ARHGAP39: variants seen among roughly 807,000 people sequenced by gnomAD.
ARHGAP39 encodes rho GTPase-activating protein 39.
In ARHGAP39, 44 loss-of-function variants were observed where a neutral mutation model predicts 106.9. That is an observed-to-expected ratio of 0.41 (90% CI 0.32 to 0.53). The LOEUF (loss-of-function observed/expected upper bound fraction) is 0.53, where lower values mean the gene tolerates loss of function less well. Among genes scored for constraint, ARHGAP39 ranks in the 20% least tolerant of loss-of-function variants. The pLI is 0.21. For missense variants in ARHGAP39, 1,496 were observed against 1,577.3 expected (o/e 0.95, Z 0.87); for synonymous variants, 768 against 693.2 (o/e 1.11, Z -1.69).
intron 1 of ARHGAP39, among the ~76,000 whole-genome samples, chr8:144,620,306 C>T (rs1453898137): frequency 2.7e-4 from 12 of 44,246 alleles, no homozygotes; most frequent in African/African-American, 1.0e-3. Flanking sequence ...TCCAAGGGAG[C>T]GTGTGTGCCC....
At position 144,591,617 on chromosome 8, in the gene ARHGAP39, G is replaced by A. The variant is rs994723776; in HGVS notation, c.81-10340C>T. Among the ~76,000 whole-genome samples the A allele has an allele frequency of 1.4e-4, 21 of 152,124 alleles. No homozygotes were observed. The highest frequency in any genetic ancestry group is 1.4e-4 in the African/African-American group (6 of 41,418). On this transcript the variant is annotated intron_variant, in intron 2 of 11. Transcript: ENST00000377307. This position sits in a 1 kb window ranked among gnomAD's most constrained non-coding sequence, Gnocchi z 5.3. ...CCAGTGGTGCTGGGGGACAGGGTGC[G>A]TGCCAGAAGAGAGGCGAGGGGTGGG... is the stretch of plus-strand genomic sequence containing the variant.
intron 1 of ARHGAP39, among the ~76,000 whole-genome samples, chr8:144,665,308 G>A (rs774579062): frequency 1.3e-5 from 2 of 152,208 alleles, no homozygotes; most frequent in Non-Finnish European, 2.9e-5. Context: ...ACAGAGCATA[G>A]AAGTTCAGAA....
In ARHGAP39 at chr8:144,646,543, GAAC is replaced by G. The variant is rs1821448800; in HGVS notation, c.-82+39140_-82+39142del. Among the ~76,000 whole-genome samples, 1 of 152,188 alleles carries G rather than the reference GAAC, an allele frequency of 6.6e-6. No individual in the cohort carries two copies. Among genetic ancestry groups the G allele is most frequent in the South Asian group, 2.1e-4 (1 of 4,832 alleles). On this transcript the variant is annotated intron_variant, in intron 1 of 11. Coordinates refer to ENST00000377307, the MANE Select transcript of ARHGAP39 (RefSeq NM_025251.3). This position sits in a 1 kb window ranked among gnomAD's most constrained non-coding sequence, Gnocchi z 5.7. ...CAGGAGGCGAATCGGCTGCCTCTGA[GAAC>G]AACTGGGGTGGGCACAGGCTGGCGG...
At chr8:144,554,466 T>C (rs1214962399) in intron 4 of ARHGAP39, among the ~76,000 whole-genome samples, 3 of 152,168 alleles carry the variant, frequency 2.0e-5, no homozygotes, top group Non-Finnish European at 4.4e-5. Flanking sequence ...AATGGCATCC[T>C]GGGGATGGCA....
chr8:144,663,328 C>A (rs1821882151), intron 1 of ARHGAP39, among the ~76,000 whole-genome samples: 1 of 152,144 alleles, frequency 6.6e-6, no homozygotes, highest in Non-Finnish European at 1.5e-5. Context: ...TCTGGTGAGG[C>A]CTCAGGAACC....
intron 1 of ARHGAP39, among the ~76,000 whole-genome samples, chr8:144,614,123 A>G (rs1178014211): frequency 1.3e-5 from 2 of 152,214 alleles, no homozygotes; most frequent in Admixed American, 6.5e-5. Flanking sequence ...GTCTCTACTT[A>G]ATGTGTTCAG....
At chr8:144,537,404 G>C (rs1817000955) in intron 7 of ARHGAP39, among the ~76,000 whole-genome samples, 1 of 152,112 alleles carries the variant, frequency 6.6e-6, no homozygotes, top group South Asian at 2.1e-4. Context: ...GTGGGGGTCA[G>C]GCCCAAACAC....
At chr8:144,655,603 A>G (rs2129662996) in intron 1 of ARHGAP39, among the ~76,000 whole-genome samples, 1 of 152,222 alleles carries the variant, frequency 6.6e-6, no homozygotes, top group South Asian at 2.1e-4. Flanking sequence ...TGAAAACTGC[A>G]GAGACGACAG....
At chr8:144,580,512 G>C (rs1024154946) in intron 3 of ARHGAP39, among the ~76,000 whole-genome samples, 1 of 152,226 alleles carries the variant, frequency 6.6e-6, no homozygotes, top group African/African-American at 2.4e-5. Context: ...AGCGGTGGCT[G>C]CTACAGCCAA....
intron 1 of ARHGAP39, among the ~76,000 whole-genome samples, chr8:144,623,388 A>G (rs1267590207): frequency 6.6e-6 from 1 of 152,264 alleles, no homozygotes; most frequent in Non-Finnish European, 1.5e-5. Flanking sequence ...AAAGACTGTC[A>G]GCAAGATTTT....
At chr8:144,575,151 G>GC (rs1435905878) in intron 3 of ARHGAP39, among the ~76,000 whole-genome samples, 4 of 152,184 alleles carry the variant, frequency 2.6e-5, no homozygotes, top group Admixed American at 2.6e-4. Flanking sequence ...CCTGTACTGG[G>GC]CACTTACCAG....
At chr8:144,588,259 C>T (rs898118430) in intron 2 of ARHGAP39, among the ~76,000 whole-genome samples, 10 of 152,228 alleles carry the variant, frequency 6.6e-5, no homozygotes, top group South Asian at 2.1e-4. Flanking sequence ...CTCCTGAGCA[C>T]GCATCCTGCG....
intron 2 of ARHGAP39, among the ~76,000 whole-genome samples, chr8:144,603,419 A>G (rs1820156221): frequency 6.6e-6 from 1 of 152,132 alleles, no homozygotes; most frequent in East Asian, 1.9e-4. Flanking sequence ...GCTCAGGCCA[A>G]AAAGCACACA....
chr8:144,557,702 G>A (rs112299665), intron 3 of ARHGAP39, among the ~76,000 whole-genome samples: 2 of 130,468 alleles, frequency 1.5e-5, no homozygotes, highest in Non-Finnish European at 3.2e-5. Flanking sequence ...AGAGGCAAAG[G>A]CTGAACCTTC....
chr8:144,653,544 C>A (rs1821624720), intron 1 of ARHGAP39, among the ~76,000 whole-genome samples: 1 of 152,134 alleles, frequency 6.6e-6, no homozygotes, highest in East Asian at 1.9e-4. Context: ...CACGGAGAAC[C>A]CCCACAAACA....
chr8:144,564,105 T>C (rs1424100271), intron 3 of ARHGAP39, among the ~76,000 whole-genome samples: 1 of 152,238 alleles, frequency 6.6e-6, no homozygotes, highest in African/African-American at 2.4e-5. Context: ...CCAGCAGAAT[T>C]TGATAAATGC....
intron 1 of ARHGAP39, among the ~76,000 whole-genome samples, chr8:144,681,834 G>T (rs868457098): frequency 6.6e-6 from 1 of 152,162 alleles, no homozygotes; most frequent in African/African-American, 2.4e-5. Flanking sequence ...CCTAATCTTT[G>T]TGTCACACAA....
rs1301106218 is a variant in ARHGAP39 at position 144,647,249 on chromosome 8, G to C, written c.-82+38437C>G. ...CCCAAACTGCTGGGATTACAGCCGT[G>C]AGCCACTGCGCCCGGCCTGCTCTGA... is the stretch of plus-strand genomic sequence containing the variant. On this transcript the variant is annotated intron_variant, in intron 1 of 11. Transcript: ENST00000377307. The surrounding 1 kb of genome is among the most constrained non-coding windows in gnomAD (Gnocchi z 4.8). Among the ~76,000 whole-genome samples the C allele has an allele frequency of 1.3e-5, 2 of 152,110 alleles. No individual in the cohort carries two copies. Among genetic ancestry groups the C allele is most frequent in the Non-Finnish European group, 2.9e-5 (2 of 68,024 alleles).
intron 2 of ARHGAP39, among the ~76,000 whole-genome samples, chr8:144,600,162 C>T (rs1393379889): frequency 2.0e-5 from 3 of 150,104 alleles, no homozygotes; most frequent in Admixed American, 6.6e-5. Flanking sequence ...TGTGTGTGTG[C>T]GTGGAGGCGT....
Sources: gnomAD v4.1 joint callset for allele counts (sites outside exome capture counted in the v4.1 genomes callset) on GRCh38, gnomAD v4.1.1 for gene constraint, Gnocchi (gnomAD v3.1) non-coding constraint, MANE v1.5 for transcripts, NCBI Gene and HGNC (gene_info 2026-07-23, HGNC 2026-07-21) for gene names.